The following KRT40 variants were observed in gnomAD, a reference collection of about 807,000 sequenced individuals.
The protein encoded by KRT40 is keratin, type I cytoskeletal 40.
In KRT40, 47 loss-of-function variants were observed where a neutral mutation model predicts 43.5. The ratio of observed to expected loss-of-function variants is 1.08; its 90% CI spans 0.86 to 1.38. KRT40 has a LOEUF of 1.38. KRT40 is among the 40% of genes most tolerant of loss of function. The pLI is 0.00. For synonymous variants in KRT40, 212 were observed against 214.0 expected (o/e 0.99, Z 0.08); for missense variants, 573 against 523.6 (o/e 1.09, Z -0.92).
At chr17:40,986,146 T>A (rs1272652626), upstream of KRT40, among the ~76,000 whole-genome samples, 1 of 152,186 alleles carries the variant, frequency 6.6e-6, no homozygotes, top group Admixed American at 6.5e-5. Flanking sequence ...GGAAAAGAAG[T>A]CAGGCTGGCA....
At chr17:40,981,209 A>G (rs1912132491) in intron 3 of KRT40, 58 bp from the exon 4 acceptor site, 1 of 1,610,166 alleles carries the variant, frequency 6.2e-7, no homozygotes, top group Admixed American at 1.7e-5. Context: ...TCCATTTGAC[A>G]TCCAATGGCA....
chr17:40,981,388 A>G, intron 3 of KRT40: 1 of 718,014 alleles, frequency 1.4e-6, no homozygotes, highest in Non-Finnish European at 2.4e-6. Flanking sequence ...TAGAAGAGTC[A>G]ATCTACACAT....
At position 40,983,989 on chromosome 17, in the gene KRT40, G is replaced by A. The variant is rs768264207; in HGVS notation, c.285C>T (p.Phe95=). The change falls in exon 1 of 7, where the codon TTC becomes TTT. Residue 95 remains phenylalanine (F), a synonymous_variant. Transcript: ENST00000377755. The part of the protein sequence containing the change: ...FTSNEKETMQ[F]LNDRLASYLE... ...GATAGCTGGCGAGTCTGTCATTCAG[G>A]AACTGCATCGTCTCCTTCTCATTGC... 6.2e-7 allele frequency: 1 copy of A among 1,614,028 alleles called. No homozygotes were observed.
rs368123173 is a variant in KRT40 at position 40,984,128 on chromosome 17, A to G, written c.146T>C (p.Leu49Pro). 2 of 1,614,178 alleles carry G rather than the reference A, an allele frequency of 1.2e-6. No homozygotes were observed. The highest frequency in any genetic ancestry group is 1.3e-5 in the African/African-American group (1 of 75,056). Residue 49 changes from leucine (L) to proline (P), a missense_variant, in exon 1 of 7, where the codon CTA (leucine) becomes CCA (proline). By Grantham distance (98) the Leu-to-Pro change is moderately conservative. Coordinates refer to ENST00000377755, the MANE Select transcript of KRT40 (RefSeq NM_001389244.1). ...ATSRCQTPSF[L>P]SRSRGLTGCL... ...ACCAGTCAGCCCGCGAGACCTGGAT[A>G]GGAAGCTTGGAGTCTGACATCGGGA...
rs377721476 is a variant in KRT40, at chr17:40,980,926, C to T, written c.850-16G>A. The stretch of plus-strand genomic sequence containing the variant: ...GCTCTTCTGTCTGAAACACAGACAC[C>T]ATTAGAGAATTCAAAAAAGGCAGAA... On this transcript the variant is annotated splice_polypyrimidine_tract_variant and intron_variant, in intron 4 of 6. Coordinates refer to ENST00000377755, the MANE Select transcript of KRT40 (RefSeq NM_001389244.1). The T allele has an allele frequency of 3.0e-4, 487 of 1,614,066 alleles. No individual in the cohort carries two copies. Among genetic ancestry groups the T allele is most frequent in the Non-Finnish European group, 3.7e-4 (441 of 1,180,048 alleles).
chr17:40,983,589 T>A (rs1483102306), intron 1 of KRT40, among the ~76,000 whole-genome samples: 2 of 152,216 alleles, frequency 1.3e-5, no homozygotes, highest in Non-Finnish European at 2.9e-5. Context: ...ATTCTATAGA[T>A]GATGAAGGAA....
rs1034843351 is a variant in KRT40 at position 40,982,336 on chromosome 17, G to A, written c.658C>T (p.Leu220Phe). The A allele has an allele frequency of 6.3e-7, 1 of 1,596,498 alleles. No homozygotes were observed. The highest frequency in any genetic ancestry group is 1.1e-5 in the South Asian group (1 of 88,144). Residue 220 changes from leucine to phenylalanine, a missense_variant, in exon 3 of 7, where the codon CTC (leucine) becomes TTC (phenylalanine). Leu to Phe is a conservative substitution (Grantham distance 22). Coordinates refer to ENST00000377755, the MANE Select transcript of KRT40 (RefSeq NM_001389244.1). ...EAHVESLKED[L>F]LCLKKNHEEE... ...TCATGGTTTTTCTTAAGGCAAAGGA[G>A]ATCTTCCTTCAGAGACTCCACATGG...
At chr17:40,987,105 C>G (rs1567862682), upstream of KRT40, 1 of 152,232 alleles carries the variant, frequency 6.6e-6, no homozygotes, top group Non-Finnish European at 1.5e-5. Context: ...TGGCTCCTCC[C>G]AGAGCACTTT....
Position 40,978,307 on chromosome 17 carries a change from A to G in KRT40, c.1197-11T>C. On this transcript the variant is annotated splice_polypyrimidine_tract_variant and intron_variant, in intron 6 of 6. Transcript: ENST00000377755. ...GGGCTACAGGAAAGCCTGGGGAAAA[A>G]TCGATTTTCAACCAAGATTAACAAG... 6.2e-7 allele frequency: 1 copy of G among 1,605,228 alleles called. No homozygotes were observed. Among genetic ancestry groups the G allele is most frequent in the East Asian group, 2.2e-5 (1 of 44,828 alleles).
At chr17:40,980,680 C>A in intron 5 of KRT40, 105 bp downstream of exon 5, 1 of 1,431,698 alleles carries the variant, frequency 7.0e-7, no homozygotes, top group South Asian at 1.4e-5. Flanking sequence ...AACGGCAGTA[C>A]TCGGGAAAGG....
At chr17:40,984,562 A>C (rs1912378239), upstream of KRT40, among the ~76,000 whole-genome samples, 1 of 152,234 alleles carries the variant, frequency 6.6e-6, no homozygotes, top group Admixed American at 6.5e-5. Context: ...GAAAATCGTC[A>C]TAGGAAGCAT....
intron 5 of KRT40, among the ~76,000 whole-genome samples, 163 bp from the exon 6 acceptor site, chr17:40,979,187 A>G (rs971309761): frequency 5.9e-5 from 9 of 152,192 alleles, no homozygotes; most frequent in African/African-American, 2.2e-4. Context: ...GAGAATACAA[A>G]GTATCTGTTT....
Position 40,980,973 on chromosome 17 carries a change from T to C in KRT40, c.849+17A>G. On this transcript the variant is annotated intron_variant, in intron 4 of 6. Coordinates refer to ENST00000377755, the MANE Select transcript of KRT40 (RefSeq NM_001389244.1). The stretch of plus-strand genomic sequence containing the variant: ...AGAAGTCTGTAAGCCTGACATTTTT[T>C]CAATCTGGGTACTGACCTGAACAGC... The C allele has an allele frequency of 8.1e-6, 13 of 1,614,126 alleles. No individual in the cohort carries two copies. Among genetic ancestry groups the C allele is most frequent in the Non-Finnish European group, 1.1e-5 (13 of 1,180,028 alleles).
chr17:40,982,450 G>A lies in KRT40; in HGVS notation c.544C>T (p.Leu182=). The A allele has an allele frequency of 6.3e-7, 1 of 1,595,268 alleles. No individual in the cohort carries two copies. ...GCCTCTAACAGCTGGCGAAGGGACA[G>A]TTCACTCTCGTACCTTTCACAGCAA... ...DDFKSKYESE[L]SLRQLLEADI... The change falls in exon 3 of 7, where the codon CTG becomes TTG. Residue 182 remains leucine, a synonymous_variant. Transcript: ENST00000377755.
chr17:40,983,093 A>G lies in KRT40; in HGVS notation c.483T>C (p.Ala161=). The change falls in exon 2 of 7, where the codon GCT becomes GCC. Residue 161 remains alanine (A), a synonymous_variant. Transcript: ENST00000377755. ...LCTKAENSRL[A]VQLDNCKLAT... Reference sequence around the variant, plus strand: ...CCAGTTTGCAGTTGTCAAGCTGTACAGCAAGTCTAGAATTCTCTGCTTTCG... The same window carrying G: ...CCAGTTTGCAGTTGTCAAGCTGTACGGCAAGTCTAGAATTCTCTGCTTTCG... 1 of 1,522,592 alleles carries G rather than the reference A, an allele frequency of 6.6e-7. No homozygotes were observed. The highest frequency in any genetic ancestry group is 2.3e-5 in the East Asian group (1 of 43,948). 94.3% of individuals were successfully genotyped at this position (1,522,592 alleles called of 1,614,324 possible).
intron 5 of KRT40, among the ~76,000 whole-genome samples, chr17:40,979,737 G>A (rs1912028484): frequency 6.6e-6 from 1 of 152,158 alleles, no homozygotes. Context: ...CAGAGGCTGG[G>A]ACTGGCATAT....
In KRT40 at chr17:40,983,120, G is replaced by T; in HGVS notation, c.456C>A (p.Cys152Ter). The T allele has an allele frequency of 1.4e-6, 2 of 1,435,052 alleles. No individual in the cohort carries two copies. The highest frequency in any genetic ancestry group is 1.9e-6 in the Non-Finnish European group (2 of 1,028,182). The allele number at this position is 1,435,052 out of a possible 1,614,324, so 88.9% of individuals were successfully genotyped here. A position where few individuals can be genotyped will look rare whatever the true frequency, so the allele number is the denominator to read the frequency against. ...CAAGTCTAGAATTCTCTGCTTTCGTGCATAAGATCTGGGAAGCAAGTCATT... is the reference window on the plus strand; with the variant it reads ...CAAGTCTAGAATTCTCTGCTTTCGTTCATAAGATCTGGGAAGCAAGTCATT... The part of the protein sequence containing the change: ...TIEDLQQKIL[C>*]TKAENSRLAV... The change falls in exon 2 of 7, where the codon TGC (cysteine) becomes TGA (stop). Residue 152 changes from cysteine (C) to a stop codon, truncating the protein, a stop_gained. Coordinates refer to ENST00000377755, the MANE Select transcript of KRT40 (RefSeq NM_001389244.1). LOFTEE classifies it high-confidence loss of function.
At chr17:40,983,569 G>C (rs1019166074) in intron 1 of KRT40, among the ~76,000 whole-genome samples, 5 of 152,154 alleles carry the variant, frequency 3.3e-5, no homozygotes, top group African/African-American at 1.2e-4. Context: ...ATATAATACA[G>C]TTTTTCTGCA....
chr17:40,978,739 C>T, intron 6 of KRT40, 65 bp downstream of exon 6: 2 of 1,419,708 alleles, frequency 1.4e-6, no homozygotes, highest in Admixed American at 1.8e-5. Flanking sequence ...TTTGGGGAAA[C>T]AGGATTCTTT....
Sources: gnomAD v4.1 joint callset for allele counts (sites outside exome capture counted in the v4.1 genomes callset) on GRCh38, gnomAD v4.1.1 for gene constraint, MANE v1.5 for transcripts, NCBI Gene and HGNC (gene_info 2026-07-23, HGNC 2026-07-21) for gene names.